The following GNAL variants were observed in gnomAD, a reference collection of about 807,000 sequenced individuals.
The protein encoded by GNAL is G protein subunit alpha L.
A neutral mutation model predicts 55.1 loss-of-function variants in GNAL; 18 were observed. The ratio of observed to expected loss-of-function variants is 0.33; its 90% confidence interval spans 0.23 to 0.48. GNAL has a LOEUF of 0.48. Among genes scored for constraint, GNAL ranks in the 20% least tolerant of loss-of-function variants. GNAL has a pLI of 0.99. For missense variants in GNAL, 412 were observed against 614.1 expected (o/e 0.67, Z 3.48); for synonymous variants, 253 against 237.0 (o/e 1.07, Z -0.62).
chr18:11,728,922 G>A (rs956937405), intron 1 of GNAL, among the ~76,000 whole-genome samples: 1 of 152,180 alleles, frequency 6.6e-6, no homozygotes, highest in Non-Finnish European at 1.5e-5. Context: ...CCTCTTGGGA[G>A]AAATCACTCA....
intron 1 of GNAL, among the ~76,000 whole-genome samples, chr18:11,742,283 GT>G (rs2032593490): frequency 6.6e-6 from 1 of 152,228 alleles, no homozygotes; most frequent in Admixed American, 6.5e-5. Flanking sequence ...CCTCAAGGAT[GT>G]CCACATGCTG....
chr18:11,815,842 A>G (rs2034941132), intron 4 of GNAL, among the ~76,000 whole-genome samples: 1 of 152,214 alleles, frequency 6.6e-6, no homozygotes, highest in Admixed American at 6.5e-5. Context: ...CTCAATAATA[A>G]GAAAACAATT....
intron 5 of GNAL, among the ~76,000 whole-genome samples, chr18:11,841,505 G>T (rs1000310623): frequency 2.0e-5 from 3 of 151,850 alleles, no homozygotes; most frequent in Non-Finnish European, 4.4e-5. Flanking sequence ...AATTAGTCGG[G>T]CATGGTGACG....
chr18:11,828,764 G>T (rs1373387739), intron 5 of GNAL, among the ~76,000 whole-genome samples: 1 of 152,162 alleles, frequency 6.6e-6, no homozygotes, highest in Non-Finnish European at 1.5e-5. Context: ...AAAAAGAAAT[G>T]GTGTGAGCTT....
chr18:11,790,020 G>A (rs575929506), intron 4 of GNAL, among the ~76,000 whole-genome samples: 2 of 152,348 alleles, frequency 1.3e-5, no homozygotes, highest in Admixed American at 6.5e-5. Context: ...TGAGAAGAAA[G>A]TTCCAGGAAG....
intron 3 of GNAL, 53 bp downstream of exon 3, chr18:11,753,735 C>A: frequency 6.8e-7 from 1 of 1,468,426 alleles, no homozygotes; most frequent in South Asian, 1.1e-5. Context: ...GCTCTTCATT[C>A]TAAAACTGTG....
At chr18:11,693,619 A>C (rs1242243486) in intron 1 of GNAL, among the ~76,000 whole-genome samples, 1 of 152,174 alleles carries the variant, frequency 6.6e-6, no homozygotes, top group African/African-American at 2.4e-5. Flanking sequence ...ATTGTGTTTA[A>C]CAGCCATTTA....
Position 11,877,325 on chromosome 18 carries a change from T to TGG in GNAL, c.1230+638_1230+639insGG, listed in dbSNP as rs1567906821. On this transcript the variant is annotated intron_variant, in intron 11 of 11. Transcript: ENST00000334049. The stretch of plus-strand genomic sequence containing the variant: ...AAAAAATTAGCTGGGTGTGGTGGCA[T>TGG]GCGCCTGTAATCCCAGCTACTCTGG... Among the ~76,000 whole-genome samples, 333 of 152,098 alleles carry TGG rather than the reference T, an allele frequency of 2.2e-3. 1 individual carries two copies. The highest frequency in any genetic ancestry group is 7.7e-3 in the African/African-American group (319 of 41,478).
chr18:11,779,603 T>G (rs146322852), intron 4 of GNAL, among the ~76,000 whole-genome samples: 1 of 152,196 alleles, frequency 6.6e-6, no homozygotes, highest in Non-Finnish European at 1.5e-5. Context: ...TCAGATCTAA[T>G]AGTCCCTCAG....
At chr18:11,846,436 T>G (rs1195703565) in intron 5 of GNAL, among the ~76,000 whole-genome samples, 1 of 137,900 alleles carries the variant, frequency 7.3e-6, no homozygotes, top group East Asian at 2.1e-4. Flanking sequence ...CATATATAAA[T>G]ATATAAATAT....
At chr18:11,777,241 C>T (rs2143325624) in intron 4 of GNAL, among the ~76,000 whole-genome samples, 1 of 152,256 alleles carries the variant, frequency 6.6e-6, no homozygotes, top group African/African-American at 2.4e-5. Flanking sequence ...GGTATCATTA[C>T]TGCTCATGTG....
intron 4 of GNAL, among the ~76,000 whole-genome samples, chr18:11,762,210 G>C (rs112826528): frequency 0.029 from 4,421 of 152,288 alleles, 75 homozygotes; most frequent in Middle Eastern, 0.044. Flanking sequence ...GTGGCTTCCT[G>C]AGCTGCCTGT....
intron 1 of GNAL, among the ~76,000 whole-genome samples, chr18:11,713,068 T>G (rs2031874809): frequency 6.6e-6 from 1 of 152,358 alleles, no homozygotes; most frequent in Non-Finnish European, 1.5e-5. Context: ...AATTCCTTCA[T>G]GCTAAGAACA....
intron 4 of GNAL, among the ~76,000 whole-genome samples, chr18:11,805,408 G>A (rs1292975772): frequency 6.6e-6 from 1 of 152,140 alleles, no homozygotes; most frequent in Non-Finnish European, 1.5e-5. Flanking sequence ...GTGGAACATG[G>A]AGATATTGTG....
At chr18:11,749,473 G>T (rs2032765325) in intron 1 of GNAL, among the ~76,000 whole-genome samples, 2 of 152,160 alleles carry the variant, frequency 1.3e-5, no homozygotes, top group African/African-American at 4.8e-5. Context: ...TTCACACTTT[G>T]AGCTGGAGTT....
At chr18:11,843,743 G>A (rs1330202730) in intron 5 of GNAL, among the ~76,000 whole-genome samples, 1 of 152,036 alleles carries the variant, frequency 6.6e-6, no homozygotes, top group African/African-American at 2.4e-5. Context: ...GGAGGCCGAG[G>A]TGGGCAGATC....
chr18:11,881,938 A>G lies in GNAL; in HGVS notation c.*803A>G, dbSNP rs1381508653. 6.6e-6 allele frequency: 1 copy of G among 152,632 alleles called. No homozygotes were observed. The highest frequency in any genetic ancestry group is 2.4e-5 in the African/African-American group (1 of 41,454). The allele number at this position is 152,632 out of a possible 1,614,324, so 9.5% of individuals were successfully genotyped here. On this transcript the variant is annotated 3_prime_UTR_variant, in exon 12 of 12. Transcript: ENST00000334049. The surrounding 1 kb of genome is among the most constrained non-coding windows in gnomAD (Gnocchi z 4.8). ...TTGTGCCTTCACCATGGCTATCTAT[A>G]CCTGTACATGAAATGTGTTTGTATT... is the stretch of plus-strand genomic sequence containing the variant.
chr18:11,868,518 T>C lies in GNAL; in HGVS notation c.911-25T>C. 1 of 1,598,844 alleles carries C rather than the reference T, an allele frequency of 6.3e-7. No individual in the cohort carries two copies. Among genetic ancestry groups the C allele is most frequent in the Non-Finnish European group, 8.5e-7 (1 of 1,172,476 alleles). On this transcript the variant is annotated intron_variant, in intron 8 of 11. Coordinates refer to ENST00000334049, the MANE Select transcript of GNAL (RefSeq NM_182978.4). The surrounding 1 kb of genome is among the most constrained non-coding windows in gnomAD (Gnocchi z 4.0). ...CCACAGTGAGGATGTCTAACTGAGG[T>C]GCTTTCCTTTTTCTCCCCACCAAGA...
At chr18:11,871,092 T>C (rs2036386038) in intron 9 of GNAL, among the ~76,000 whole-genome samples, 1 of 152,182 alleles carries the variant, frequency 6.6e-6, no homozygotes, top group South Asian at 2.1e-4. Flanking sequence ...AACATAAAAT[T>C]TCTGTAGTAA....
Sources: gnomAD v4.1 joint callset for allele counts (sites outside exome capture counted in the v4.1 genomes callset) on GRCh38, gnomAD v4.1.1 for gene constraint, Gnocchi (gnomAD v3.1) non-coding constraint, MANE v1.5 for transcripts, NCBI Gene and HGNC (gene_info 2026-07-23, HGNC 2026-07-21) for gene names.